DIAPH3: variants seen among roughly 807,000 people sequenced by gnomAD.
DIAPH3 encodes the protein protein diaphanous homolog 3.
Under a neutral mutation model 144.3 loss-of-function variants are expected in DIAPH3, and 117 were observed. The observed-to-expected ratio is 0.81, with a 90% CI of 0.70 to 0.95. DIAPH3 has a LOEUF of 0.95. DIAPH3 is among the 40% of genes least tolerant of loss of function. The pLI, the probability that DIAPH3 is intolerant of heterozygous loss-of-function variation, is 0.00. For missense variants in DIAPH3, 1,421 were observed against 1,412.7 expected, an observed-to-expected ratio of 1.01 and a Z score of -0.09; for synonymous variants, 519 against 488.9, an observed-to-expected ratio of 1.06 and a Z score of -0.81.
chr13:59,719,344 T>C (rs571336793), intron 27 of DIAPH3, among the ~76,000 whole-genome samples: 1 of 152,336 alleles, frequency 6.6e-6, no homozygotes, highest in South Asian at 2.1e-4. Flanking sequence ...ATTAGTTCTG[T>C]TTCCTATTTC....
In DIAPH3 at chr13:60,116,526, T is replaced by G. The variant is rs76525400; in HGVS notation, c.214-4340A>C. On this transcript the variant is annotated intron_variant, in intron 2 of 27. Coordinates refer to ENST00000400324, the MANE Select transcript of DIAPH3 (RefSeq NM_001042517.2). ...AAGTCACTACTTCATTGCCATCATT[T>G]CTGTACGGATAATATCAATTCCTAA... Among the ~76,000 whole-genome samples the G allele has an allele frequency of 3.7e-3, 569 of 152,164 alleles. 3 individuals are homozygous for G. The East Asian group carries it at 0.043, about 12-fold the overall frequency.
At chr13:59,796,342 T>C (rs1234487721) in intron 25 of DIAPH3, among the ~76,000 whole-genome samples, 2 of 152,222 alleles carry the variant, frequency 1.3e-5, no homozygotes, top group Non-Finnish European at 2.9e-5. Context: ...TGTCACACAT[T>C]AAGGATGCAC....
chr13:60,018,976 T>G (rs1420681678), intron 5 of DIAPH3, among the ~76,000 whole-genome samples: 3 of 152,174 alleles, frequency 2.0e-5, no homozygotes, highest in Non-Finnish European at 4.4e-5. Flanking sequence ...ACTGTTGTAT[T>G]AACAGGTGTC....
chr13:60,139,120 T>A (rs1167238473), intron 1 of DIAPH3, among the ~76,000 whole-genome samples: 1 of 151,892 alleles, frequency 6.6e-6, no homozygotes, highest in Non-Finnish European at 1.5e-5. Flanking sequence ...AGTCTATGGA[T>A]CATCTCCCTG....
Position 59,887,612 on chromosome 13 carries a change from T to C in DIAPH3, c.2368-8144A>G, listed in dbSNP as rs568563765. The stretch of plus-strand genomic sequence containing the variant: ...ATATTTTGAAAATTACTGAGGCTTA[T>C]TTTATATTCCCATATGGTCTACCTT... On this transcript the variant is annotated intron_variant, in intron 20 of 27. Transcript: ENST00000400324. 1.1e-4 allele frequency among the ~76,000 whole-genome samples: 17 copies of C among 152,254 alleles called. No individual in the cohort carries two copies. The South Asian group carries it at 3.5e-3, about 32-fold the overall frequency.
At chr13:60,076,080 A>T (rs1389611476) in intron 4 of DIAPH3, among the ~76,000 whole-genome samples, 1 of 152,226 alleles carries the variant, frequency 6.6e-6, no homozygotes, top group East Asian at 1.9e-4. Flanking sequence ...ATGTTTTGGC[A>T]CAAGTCCAGC....
chr13:59,839,578 T>C (rs1021176057), intron 22 of DIAPH3, 130 bp from the exon 23 acceptor site: 3 of 880,346 alleles, frequency 3.4e-6, no homozygotes, highest in African/African-American at 3.4e-5. Context: ...AAAATAAAAA[T>C]AAATTTCACT....
At chr13:60,121,138 T>C (rs911268963) in intron 2 of DIAPH3, among the ~76,000 whole-genome samples, 10 of 152,186 alleles carry the variant, frequency 6.6e-5, no homozygotes, top group African/African-American at 2.4e-4. Flanking sequence ...TTTTGAAATG[T>C]CTTCAGTAAC....
rs193164225 is a variant in DIAPH3 at position 60,093,648 on chromosome 13, T to G, written c.475A>C (p.Ile159Leu). The G allele has an allele frequency of 2.5e-6, 4 of 1,606,412 alleles. No individual in the cohort carries two copies. The African/African-American group carries it at 4.0e-5, about 16-fold the overall frequency. Residue 159 changes from isoleucine (I) to leucine (L), a missense_variant, in exon 4 of 28, where the codon ATT (isoleucine) becomes CTT (leucine). By Grantham distance (5) the Ile-to-Leu change is conservative. Transcript: ENST00000400324. ...SIKKEMVMQY[I>L]NTASKTGSLK... ...CTTACTGTCTTAGAAGCAGTATTAA[T>G]GTACTGCATCACCATTTCTTTTTTG...
intron 20 of DIAPH3, among the ~76,000 whole-genome samples, chr13:59,879,773 T>C (rs2044886344): frequency 6.6e-6 from 1 of 152,148 alleles, no homozygotes; most frequent in Admixed American, 6.5e-5. Context: ...GGTAACAAGA[T>C]ACATAGGCCA....
chr13:60,023,949 G>T (rs1364786175), intron 5 of DIAPH3, among the ~76,000 whole-genome samples: 1 of 127,802 alleles, frequency 7.8e-6, no homozygotes. Context: ...TCCGCCTCCC[G>T]GGTTCACACC....
At chr13:60,016,185 C>G (rs769881447) in intron 5 of DIAPH3, 40 bp from the exon 6 acceptor site, 1 of 1,576,640 alleles carries the variant, frequency 6.3e-7, no homozygotes, top group Non-Finnish European at 8.7e-7. Context: ...TTGTCAGTAA[C>G]GCAGCTTGTG....
intron 27 of DIAPH3, among the ~76,000 whole-genome samples, chr13:59,709,553 T>C (rs953179294): frequency 3.3e-5 from 5 of 152,292 alleles, no homozygotes; most frequent in African/African-American, 1.2e-4. Context: ...AGATACCATC[T>C]CACACCAGTT....
At chr13:59,875,507 G>A (rs2044563207) in intron 21 of DIAPH3, among the ~76,000 whole-genome samples, 1 of 151,370 alleles carries the variant, frequency 6.6e-6, no homozygotes, top group Admixed American at 6.6e-5. Context: ...GGGAAGAGAG[G>A]AGGAGAAAGA....
intron 20 of DIAPH3, among the ~76,000 whole-genome samples, chr13:59,902,251 G>T (rs1392650322): frequency 6.6e-6 from 1 of 152,138 alleles, no homozygotes; most frequent in African/African-American, 2.4e-5. Flanking sequence ...GATCATGGGG[G>T]TGGATTTCCC....
chr13:59,778,052 G>A (rs1301311392), intron 25 of DIAPH3, among the ~76,000 whole-genome samples: 1 of 152,106 alleles, frequency 6.6e-6, no homozygotes. Flanking sequence ...TTGTTCTTAG[G>A]CAATAAATGC....
At chr13:59,930,583 A>G (rs2047975457) in intron 17 of DIAPH3, among the ~76,000 whole-genome samples, 1 of 152,236 alleles carries the variant, frequency 6.6e-6, no homozygotes, top group Admixed American at 6.5e-5. Context: ...TAATAAGAAC[A>G]GAAAATATTA....
intron 3 of DIAPH3, among the ~76,000 whole-genome samples, chr13:60,095,919 C>G (rs1244209824): frequency 6.6e-6 from 1 of 152,126 alleles, no homozygotes; most frequent in Non-Finnish European, 1.5e-5. Context: ...CAAAATAGCA[C>G]AACTATATCA....
chr13:59,703,457 T>A (rs960341171), intron 27 of DIAPH3, among the ~76,000 whole-genome samples: 20 of 152,234 alleles, frequency 1.3e-4, no homozygotes, highest in African/African-American at 4.8e-4. Flanking sequence ...CTTTTTTTGC[T>A]CTCTGCTTCT....
Sources: allele counts gnomAD v4.1 joint callset (sites outside exome capture counted in the v4.1 genomes callset), GRCh38; gene constraint gnomAD v4.1.1; transcripts MANE v1.5; gene names NCBI Gene and HGNC (gene_info 2026-07-23, HGNC 2026-07-21).